The following SETBP1 variants were observed in gnomAD, a reference collection of about 807,000 sequenced individuals.
SETBP1 encodes SET-binding protein.
Under a neutral mutation model 101.0 loss-of-function variants are expected in SETBP1, and 9 were observed. That is an observed-to-expected ratio of 0.09 (90% CI 0.05 to 0.16). The LOEUF (loss-of-function observed/expected upper bound fraction) is 0.16, where lower values mean the gene tolerates loss of function less well. Among genes scored for constraint, SETBP1 ranks in the 10% least tolerant of loss-of-function variants. The pLI is 1.00. For missense variants in SETBP1, 1,858 were observed against 2,033.8 expected, an observed-to-expected ratio of 0.91 and a Z score of 1.66; for synonymous variants, 818 against 788.5, an observed-to-expected ratio of 1.04 and a Z score of -0.63.
intron 5 of SETBP1, among the ~76,000 whole-genome samples, chr18:45,053,519 C>T (rs1461234490): frequency 2.6e-5 from 4 of 152,154 alleles, no homozygotes; most frequent in African/African-American, 9.7e-5. Flanking sequence ...AAGATCAGAA[C>T]CTCATTCTTC....
At chr18:44,988,058 T>G (rs537127417) in intron 4 of SETBP1, 1 of 152,330 alleles carries the variant, frequency 6.6e-6, no homozygotes, top group South Asian at 2.1e-4. Context: ...TACATAGTTC[T>G]TTTAGAATCT....
At chr18:44,820,163 C>G (rs903348459) in intron 2 of SETBP1, among the ~76,000 whole-genome samples, 8 of 152,312 alleles carry the variant, frequency 5.3e-5, no homozygotes, top group African/African-American at 1.4e-4. Context: ...TTGGAGCCAC[C>G]CAGCTGAGCG....
chr18:44,828,169 GT>G (rs1398182138), intron 2 of SETBP1, among the ~76,000 whole-genome samples: 1 of 151,856 alleles, frequency 6.6e-6, no homozygotes, highest in Non-Finnish European at 1.5e-5. Context: ...CAAGTCACTG[GT>G]TTAAAAAAAA....
chr18:45,031,801 A>G (rs1186401281), intron 4 of SETBP1, among the ~76,000 whole-genome samples: 1 of 152,184 alleles, frequency 6.6e-6, no homozygotes, highest in East Asian at 1.9e-4. Context: ...AGTATGAAAC[A>G]GGAGGTATAT....
chr18:44,998,510 C>T (rs1244135003), intron 4 of SETBP1, among the ~76,000 whole-genome samples: 1 of 152,244 alleles, frequency 6.6e-6, no homozygotes, highest in African/African-American at 2.4e-5. Flanking sequence ...ATGTACCGTT[C>T]AGTAGACATA....
At chr18:44,863,447 A>G (rs1419772276) in intron 2 of SETBP1, among the ~76,000 whole-genome samples, 1 of 152,166 alleles carries the variant, frequency 6.6e-6, no homozygotes, top group Non-Finnish European at 1.5e-5. Context: ...ATATGATTAG[A>G]TGTTTGCCTC....
intron 3 of SETBP1, 23 bp downstream of exon 3, chr18:44,869,306 AG>A: frequency 6.2e-7 from 1 of 1,611,198 alleles, no homozygotes; most frequent in Non-Finnish European, 8.5e-7. Flanking sequence ...GATGCTTTTA[AG>A]AAGTTTGGAA....
chr18:44,782,935 G>A (rs563580187), intron 2 of SETBP1, among the ~76,000 whole-genome samples: 26 of 152,184 alleles, frequency 1.7e-4, no homozygotes, highest in South Asian at 8.3e-4. Flanking sequence ...ATTTTTGGGG[G>A]TACGTAGTAG....
chr18:45,001,557 T>A (rs1011634514), intron 4 of SETBP1, among the ~76,000 whole-genome samples: 2 of 152,026 alleles, frequency 1.3e-5, no homozygotes, highest in Non-Finnish European at 2.9e-5. Context: ...AACTTAAACT[T>A]CCAATATTAG....
chr18:44,756,573 C>T (rs1160576149), intron 2 of SETBP1, among the ~76,000 whole-genome samples: 3 of 152,172 alleles, frequency 2.0e-5, no homozygotes, highest in African/African-American at 7.2e-5. Context: ...GCTGCAATGA[C>T]CACCATGAGG....
intron 2 of SETBP1, among the ~76,000 whole-genome samples, chr18:44,820,278 A>G (rs16978184): frequency 0.046 from 7,031 of 152,280 alleles, 526 homozygotes; most frequent in African/African-American, 0.16. Flanking sequence ...CATTTTTTCA[A>G]TCACACCAGT....
chr18:44,990,640 A>T (rs1490313423), intron 4 of SETBP1, among the ~76,000 whole-genome samples: 1 of 151,766 alleles, frequency 6.6e-6, no homozygotes, highest in African/African-American at 2.4e-5. Flanking sequence ...AAACCAAAAA[A>T]AAACATACAC....
intron 4 of SETBP1, among the ~76,000 whole-genome samples, 168 bp from the exon 5 acceptor site, chr18:45,038,317 A>G (rs564568112): frequency 2.6e-5 from 4 of 152,326 alleles, no homozygotes; most frequent in East Asian, 1.9e-4. Context: ...AAGCAAAACC[A>G]GTCATAGCTA....
intron 2 of SETBP1, among the ~76,000 whole-genome samples, chr18:44,772,031 A>T (rs1034835069): frequency 6.6e-6 from 1 of 152,154 alleles, no homozygotes; most frequent in Admixed American, 6.5e-5. Context: ...TGTGCTGTTC[A>T]TACAGTACTG....
chr18:44,732,274 A>C, intron 2 of SETBP1, among the ~76,000 whole-genome samples: 1 of 152,210 alleles, frequency 6.6e-6, no homozygotes. Context: ...CTGCTCCTTG[A>C]AGCTGAGCAG....
At chr18:44,974,423 G>A (rs796692026) in intron 4 of SETBP1, among the ~76,000 whole-genome samples, 4 of 152,316 alleles carry the variant, frequency 2.6e-5, no homozygotes, top group African/African-American at 9.6e-5. Context: ...TGAGGATAGA[G>A]ACTGCAGGAC....
At chr18:44,867,419 A>T (rs2069152707) in intron 2 of SETBP1, among the ~76,000 whole-genome samples, 1 of 152,148 alleles carries the variant, frequency 6.6e-6, no homozygotes, top group Admixed American at 6.5e-5. Context: ...TGCAAGCTCC[A>T]TCTTATTTCA....
intron 2 of SETBP1, among the ~76,000 whole-genome samples, chr18:44,812,484 G>A (rs1479749860): frequency 6.6e-6 from 1 of 152,084 alleles, no homozygotes; most frequent in African/African-American, 2.4e-5. Context: ...CTTGTGGGTT[G>A]CACTATTTTA....
chr18:44,841,907 C>G (rs1260113256), intron 2 of SETBP1, among the ~76,000 whole-genome samples: 1 of 152,170 alleles, frequency 6.6e-6, no homozygotes, highest in Non-Finnish European at 1.5e-5. Context: ...ATAATTTTCC[C>G]CGAAGGCTTG....
Sources: gnomAD v4.1 joint callset for allele counts (sites outside exome capture counted in the v4.1 genomes callset) on GRCh38, gnomAD v4.1.1 for gene constraint, MANE v1.5 for transcripts, NCBI Gene and HGNC (gene_info 2026-07-23, HGNC 2026-07-21) for gene names.